Variants in CDH13 observed in about 807,000 individuals in gnomAD.
The protein encoded by CDH13 is cadherin-13.
CDH13 carries 24 observed loss-of-function variants against 63.8 expected under a neutral mutation model. The ratio of observed to expected loss-of-function variants is 0.38; its 90% confidence interval spans 0.27 to 0.53. The LOEUF is 0.53. Ranked by LOEUF, CDH13 falls within the 20% of genes least tolerant of loss-of-function variation. The pLI, the probability that CDH13 is intolerant of heterozygous loss-of-function variation, is 0.85. For synonymous variants in CDH13, 503 were observed against 355.3 expected, an observed-to-expected ratio of 1.42 and a Z score of -4.67; for missense variants, 1,049 against 903.1, an observed-to-expected ratio of 1.16 and a Z score of -2.07.
intron 1 of CDH13, among the ~76,000 whole-genome samples, chr16:82,728,023 G>T (rs1304759588): frequency 6.6e-6 from 1 of 152,066 alleles, no homozygotes; most frequent in Non-Finnish European, 1.5e-5. Context: ...TCAAACCCTT[G>T]GGAAAGCTGC....
chr16:83,087,094 A>G (rs2033638160), intron 3 of CDH13, among the ~76,000 whole-genome samples: 1 of 152,224 alleles, frequency 6.6e-6, no homozygotes, highest in Non-Finnish European at 1.5e-5. Flanking sequence ...GCAAAAAACA[A>G]TCAATGAACC....
At chr16:83,677,264 C>A (rs541971484) in intron 9 of CDH13, among the ~76,000 whole-genome samples, 1 of 152,338 alleles carries the variant, frequency 6.6e-6, no homozygotes, top group African/African-American at 2.4e-5. Context: ...CATGGAGTTT[C>A]TTTGACATCC....
intron 10 of CDH13, among the ~76,000 whole-genome samples, chr16:83,695,785 C>G (rs1403127147): frequency 1.3e-5 from 2 of 152,114 alleles, no homozygotes; most frequent in Non-Finnish European, 2.9e-5. Flanking sequence ...TCGGACACAA[C>G]TGTGAGATGG....
chr16:83,766,157 G>C (rs541580452), intron 11 of CDH13, among the ~76,000 whole-genome samples: 2 of 152,200 alleles, frequency 1.3e-5, no homozygotes, highest in East Asian at 3.9e-4. Flanking sequence ...ACCCTGTTCT[G>C]AGTCCCAGCT....
At chr16:82,913,042 T>C (rs1277021433) in intron 2 of CDH13, among the ~76,000 whole-genome samples, 1 of 152,090 alleles carries the variant, frequency 6.6e-6, no homozygotes, top group African/African-American at 2.4e-5. Context: ...TCAAAATCCA[T>C]GAGATTGGGA....
At chr16:83,001,734 A>G (rs1384714171) in intron 2 of CDH13, among the ~76,000 whole-genome samples, 1 of 152,220 alleles carries the variant, frequency 6.6e-6, no homozygotes, top group Admixed American at 6.5e-5. Flanking sequence ...CCCAGAGGAC[A>G]TTTGATGTAA....
intron 1 of CDH13, among the ~76,000 whole-genome samples, chr16:82,642,570 C>G (rs910370926): frequency 1.3e-5 from 2 of 152,124 alleles, no homozygotes; most frequent in African/African-American, 2.4e-5. Flanking sequence ...TTCATTTAAG[C>G]CACATTCCTA....
intron 3 of CDH13, among the ~76,000 whole-genome samples, chr16:83,051,485 T>A (rs2030332480): frequency 6.6e-6 from 1 of 152,234 alleles, no homozygotes; most frequent in South Asian, 2.1e-4. Context: ...ACTAGGAATT[T>A]CTTTTCATTT....
chr16:83,607,779 G>T (rs1473139471), intron 8 of CDH13, among the ~76,000 whole-genome samples: 1 of 152,052 alleles, frequency 6.6e-6, no homozygotes, highest in Non-Finnish European at 1.5e-5. Flanking sequence ...TGTTAGTTTT[G>T]AACTTCTTAC....
chr16:82,934,737 AG>A (rs1309422469), intron 2 of CDH13, among the ~76,000 whole-genome samples: 1 of 152,184 alleles, frequency 6.6e-6, no homozygotes, highest in Non-Finnish European at 1.5e-5. Flanking sequence ...GGCAAGGGCA[AG>A]GGCAAAATGC....
intron 5 of CDH13, among the ~76,000 whole-genome samples, chr16:83,280,421 C>G (rs1345938764): frequency 6.6e-6 from 1 of 152,208 alleles, no homozygotes; most frequent in African/African-American, 2.4e-5. Context: ...TTCACATCTT[C>G]AAGCCACACT....
At chr16:83,316,005 CA>C (rs1474730356) in intron 5 of CDH13, among the ~76,000 whole-genome samples, 1 of 152,198 alleles carries the variant, frequency 6.6e-6, no homozygotes, top group East Asian at 1.9e-4. Flanking sequence ...AATTGACTCA[CA>C]GTTCTGCAGG....
chr16:83,302,992 T>C (rs1567576440), intron 5 of CDH13, among the ~76,000 whole-genome samples: 1 of 152,216 alleles, frequency 6.6e-6, no homozygotes, highest in Admixed American at 6.5e-5. Context: ...CTCTGATCTA[T>C]CATGGCTGCT....
chr16:83,711,509 TTTTTTTGTTTTTTG>T (rs1044583903), intron 10 of CDH13, among the ~76,000 whole-genome samples: 1 of 152,050 alleles, frequency 6.6e-6, no homozygotes, highest in African/African-American at 2.4e-5. Context: ...TATTTTTTGG[TTTTTTTGTTTTTTG>T]TTTTTTGTTT....
chr16:83,611,849 C>T (rs1342001491), intron 8 of CDH13, among the ~76,000 whole-genome samples: 1 of 151,964 alleles, frequency 6.6e-6, no homozygotes, highest in Non-Finnish European at 1.5e-5. Context: ...CCATTAATTT[C>T]TATCTTAATT....
rs371089561 is a variant in CDH13 at position 83,655,745 on chromosome 16, C to T, written c.1102-15045C>T. 3.6e-4 allele frequency among the ~76,000 whole-genome samples: 55 copies of T among 152,298 alleles called. No homozygotes were observed. In the East Asian group the frequency reaches 9.7e-3, roughly 27 times the overall value. On this transcript the variant is annotated intron_variant, in intron 8 of 13. Coordinates refer to ENST00000567109, the MANE Select transcript of CDH13 (RefSeq NM_001257.5). ...GTGAAGACTCCCAAACACCCAGAAT[C>T]GAGCCTGGCATGTAGCAGGTGTTCA...
At chr16:82,832,249 T>C (rs2151115798) in intron 1 of CDH13, among the ~76,000 whole-genome samples, 1 of 152,362 alleles carries the variant, frequency 6.6e-6, no homozygotes, top group South Asian at 2.1e-4. Context: ...CACTGTTTAA[T>C]ACTTTATAAA....
At chr16:82,919,846 A>T (rs551298727) in intron 2 of CDH13, among the ~76,000 whole-genome samples, 21 of 152,348 alleles carry the variant, frequency 1.4e-4, no homozygotes, top group African/African-American at 4.3e-4. Flanking sequence ...TGTGCTAGGC[A>T]TTAGGAAATA....
At chr16:83,755,615 T>C (rs1034284679) in intron 11 of CDH13, among the ~76,000 whole-genome samples, 2 of 152,208 alleles carry the variant, frequency 1.3e-5, no homozygotes, top group African/African-American at 4.8e-5. Flanking sequence ...GGCTGACTTC[T>C]AGATAGAAAT....
Sources: gnomAD v4.1 joint callset for allele counts (sites outside exome capture counted in the v4.1 genomes callset) on GRCh38, gnomAD v4.1.1 for gene constraint, MANE v1.5 for transcripts, NCBI Gene and HGNC (gene_info 2026-07-23, HGNC 2026-07-21) for gene names.